Variants in SETD2 observed in about 807,000 individuals in gnomAD.
SETD2 encodes the protein SET domain containing 2, histone lysine methyltransferase, also known as histone-lysine N-methyltransferase SETD2.
In SETD2, 31 loss-of-function variants were observed where a neutral mutation model predicts 242.1. The observed-to-expected ratio is 0.13, with a 90% CI of 0.10 to 0.17. The LOEUF is 0.17. SETD2 is among the 10% of genes least tolerant of loss of function. The pLI is 1.00. For synonymous variants in SETD2, 1,006 were observed against 1,066.5 expected (o/e 0.94, Z 1.11); for missense variants, 2,481 against 3,046.3 (o/e 0.81, Z 4.37).
At chr3:47,046,677 G>A in intron 15 of SETD2, 56 bp from the exon 16 acceptor site, 1 of 1,487,110 alleles carries the variant, frequency 6.7e-7, no homozygotes, top group Non-Finnish European at 9.1e-7. Context: ...TTAATAAACA[G>A]ACTGACTTCC....
At chr3:47,042,732 T>C (rs371154966) in intron 16 of SETD2, 32 bp from the exon 17 acceptor site, 4 of 1,569,392 alleles carry the variant, frequency 2.5e-6, no homozygotes, top group Non-Finnish European at 2.6e-6. Context: ...TTTTGATCAG[T>C]GATCTCTCTC....
At chr3:47,053,824 A>G (rs909365077) in intron 15 of SETD2, among the ~76,000 whole-genome samples, 1 of 152,176 alleles carries the variant, frequency 6.6e-6, no homozygotes, top group African/African-American at 2.4e-5. Flanking sequence ...ATTAATGTCA[A>G]TAATCTCCCC....
intron 17 of SETD2, among the ~76,000 whole-genome samples, chr3:47,040,593 G>A (rs1343675750): frequency 4.8e-5 from 1 of 20,978 alleles, no homozygotes; most frequent in Non-Finnish European, 8.8e-5. Flanking sequence ...TTTTTTTTTG[G>A]AGACAAGGTC....
intron 3 of SETD2, 54 bp from the exon 4 acceptor site, chr3:47,116,808 T>C (rs535421362): frequency 4.0e-6 from 5 of 1,263,574 alleles, no homozygotes; most frequent in African/African-American, 1.5e-5. Flanking sequence ...GGTAAAGATA[T>C]AACATATATA....
chr3:47,024,678 C>T (rs2038393026), intron 18 of SETD2, among the ~76,000 whole-genome samples: 2 of 152,178 alleles, frequency 1.3e-5, no homozygotes, highest in African/African-American at 4.8e-5. Context: ...TTGATGCCAC[C>T]TCTCTGCAAC....
intron 5 of SETD2, among the ~76,000 whole-genome samples, chr3:47,106,358 C>G (rs2042417809): frequency 6.6e-6 from 1 of 151,864 alleles, no homozygotes; most frequent in South Asian, 2.1e-4. Context: ...TTTATACCTA[C>G]TACCAAAATA....
chr3:47,075,092 C>G (rs1225140886), intron 12 of SETD2, among the ~76,000 whole-genome samples: 1 of 150,890 alleles, frequency 6.6e-6, no homozygotes, highest in Non-Finnish European at 1.5e-5. Context: ...CGAGATTGCG[C>G]CACTGCACTC....
intron 7 of SETD2, 62 bp from the exon 8 acceptor site, chr3:47,101,617 T>C: frequency 2.4e-6 from 2 of 832,072 alleles, no homozygotes; most frequent in South Asian, 1.5e-5. Flanking sequence ...TGTGTGTGTG[T>C]GTGTGTGTGT....
At chr3:47,116,804 G>A (rs2042870029) in intron 3 of SETD2, 50 bp from the exon 4 acceptor site, 1 of 1,316,116 alleles carries the variant, frequency 7.6e-7, no homozygotes, top group Non-Finnish European at 1.1e-6. Context: ...TCCTGGTAAA[G>A]ATATAACATA....
At chr3:47,075,109 G>A (rs1338099088) in intron 12 of SETD2, among the ~76,000 whole-genome samples, 1 of 150,628 alleles carries the variant, frequency 6.6e-6, no homozygotes, top group South Asian at 2.1e-4. Flanking sequence ...ACTCCAGCCT[G>A]GGCGACAGAG....
chr3:47,115,698 A>G (rs143080862), intron 4 of SETD2, among the ~76,000 whole-genome samples: 1 of 152,236 alleles, frequency 6.6e-6, no homozygotes, highest in Non-Finnish European at 1.5e-5. Context: ...CCCAGGCTGG[A>G]GTATAGTGGA....
intron 13 of SETD2, among the ~76,000 whole-genome samples, chr3:47,065,803 CT>C (rs2107597676): frequency 6.6e-6 from 1 of 152,240 alleles, no homozygotes; most frequent in East Asian, 1.9e-4. Context: ...GACACTGTCT[CT>C]AAAAAATAAA....
intron 18 of SETD2, among the ~76,000 whole-genome samples, chr3:47,028,635 T>C (rs2038615226): frequency 6.6e-6 from 1 of 152,192 alleles, no homozygotes; most frequent in Non-Finnish European, 1.5e-5. Flanking sequence ...AACTCAACAA[T>C]GTAATGGTCA....
intron 11 of SETD2, 95 bp from the exon 12 acceptor site, chr3:47,084,477 T>C (rs2041462716): frequency 1.2e-6 from 1 of 809,022 alleles, no homozygotes; most frequent in Non-Finnish European, 1.9e-6. Flanking sequence ...CAGGCTGGAA[T>C]GCAATGGCAT....
chr3:47,044,896 G>A (rs1308168854), intron 16 of SETD2, among the ~76,000 whole-genome samples: 4 of 152,076 alleles, frequency 2.6e-5, no homozygotes, highest in African/African-American at 7.2e-5. Flanking sequence ...ACACTCAAAG[G>A]CCATGTTCAA....
At chr3:47,068,035 G>A (rs1010976641) in intron 12 of SETD2, among the ~76,000 whole-genome samples, 1 of 152,130 alleles carries the variant, frequency 6.6e-6, no homozygotes, top group Non-Finnish European at 1.5e-5. Context: ...TGTTATCTAA[G>A]GCCTAGAACC....
Position 47,083,707 on chromosome 3 carries a change from G to C in SETD2, c.6060+13C>G, listed in dbSNP as rs2107637171. On this transcript the variant is annotated intron_variant, in intron 12 of 20. Coordinates refer to ENST00000409792, the MANE Select transcript of SETD2 (RefSeq NM_014159.7). ...GTAATTCAAGTTGAAATGAACAAAA[G>C]ATGCTTCCTTACCTTTAGGTCTTTC... is the stretch of plus-strand genomic sequence containing the variant. 1.9e-6 allele frequency: 3 copies of C among 1,582,106 alleles called. No individual in the cohort carries two copies. The highest frequency in any genetic ancestry group is 2.2e-5 in the East Asian group (1 of 44,542).
At chr3:47,151,979 T>C (rs904343558) in intron 1 of SETD2, among the ~76,000 whole-genome samples, 3 of 152,170 alleles carry the variant, frequency 2.0e-5, no homozygotes, top group African/African-American at 7.2e-5. Context: ...TCACTACGGT[T>C]TGAATGTGTT....
Position 47,121,255 on chromosome 3 carries a change from T to C in SETD2, c.3381A>G (p.Gln1127=), listed in dbSNP as rs1575812507. The C allele has an allele frequency of 1.2e-6, 2 of 1,614,092 alleles. No individual in the cohort carries two copies. The highest frequency in any genetic ancestry group is 1.3e-5 in the African/African-American group (1 of 75,036). The change falls in exon 3 of 21, where the codon CAA becomes CAG. Residue 1127 remains glutamine (Q), a synonymous_variant. Coordinates refer to ENST00000409792, the MANE Select transcript of SETD2 (RefSeq NM_014159.7). ...CTTTATGAAGGAAAAACTTATCAGT[T>C]TGAGGACAGGCTTTACTTGCTATAC... ...FESIASKACP[Q]TDKFFLHKGT...
Sources: allele counts gnomAD v4.1 joint callset (sites outside exome capture counted in the v4.1 genomes callset), GRCh38; gene constraint gnomAD v4.1.1; transcripts MANE v1.5; gene names NCBI Gene and HGNC (gene_info 2026-07-23, HGNC 2026-07-21).